TRPM3: variants seen among roughly 807,000 people sequenced by gnomAD.
TRPM3 encodes transient receptor potential cation channel subfamily M member 3.
TRPM3 carries 77 observed loss-of-function variants against 181.2 expected under a neutral mutation model. That is an observed-to-expected ratio of 0.42 (90% confidence interval 0.35 to 0.51). The LOEUF (loss-of-function observed/expected upper bound fraction) is 0.51, where lower values mean the gene tolerates loss of function less well. Among genes scored for constraint, TRPM3 ranks in the 20% least tolerant of loss-of-function variants. TRPM3 has a pLI of 0.01. For synonymous variants in TRPM3, 745 were observed against 796.4 expected (o/e 0.94, Z 1.09); for missense variants, 1,759 against 2,196.7 (o/e 0.80, Z 3.98).
At chr9:71,218,094 C>T (rs774710252) in intron 1 of TRPM3, among the ~76,000 whole-genome samples, 31 of 152,150 alleles carry the variant, frequency 2.0e-4, no homozygotes, top group Non-Finnish European at 3.2e-4. Flanking sequence ...TGATTAAAGG[C>T]AAACAAGAAA....
At chr9:71,163,936 C>G (rs748804778) in intron 1 of TRPM3, among the ~76,000 whole-genome samples, 1 of 152,122 alleles carries the variant, frequency 6.6e-6, no homozygotes. Flanking sequence ...CTGGATTTGG[C>G]CACATGGAAG....
rs34805476 is a variant in TRPM3 at position 71,220,356 on chromosome 9, TTTATTA to T, written c.183+226291_183+226296del. ...TACTCTTTAATTTTGAAAAGTCTGA[TTTATTA>T]TTATTATTATTATTATTATTATTAT... is the stretch of plus-strand genomic sequence containing the variant. On this transcript the variant is annotated intron_variant, in intron 1 of 24. Coordinates refer to the TRPM3 transcript ENST00000357533. 8.5e-3 allele frequency among the ~76,000 whole-genome samples: 1,235 copies of T among 145,852 alleles called. 18 individuals are homozygous for T. The highest frequency in any genetic ancestry group is 0.023 in the African/African-American group (936 of 40,142).
Position 70,683,286 on chromosome 9 carries a change from C to G in TRPM3, c.1273-1708G>C, listed in dbSNP as rs924841831. On this transcript the variant is annotated intron_variant, in intron 8 of 25. Transcript: ENST00000677713. ...TCAGGCTGGAGTACAGTGGTATGAT[C>G]ATAGCTCACTGCAGCCTCAATCTCC... 2.0e-5 allele frequency among the ~76,000 whole-genome samples: 3 copies of G among 152,042 alleles called. No individual in the cohort carries two copies. In the South Asian group the frequency reaches 6.2e-4, roughly 32 times the overall value.
At chr9:70,987,727 T>C (rs1207053678) in intron 1 of TRPM3, among the ~76,000 whole-genome samples, 2 of 152,130 alleles carry the variant, frequency 1.3e-5, no homozygotes, top group East Asian at 3.9e-4. Flanking sequence ...CATTAAGTAG[T>C]ACTGCTGCAC....
intron 1 of TRPM3, among the ~76,000 whole-genome samples, chr9:71,287,865 A>C (rs1223814355): frequency 1.3e-5 from 2 of 152,116 alleles, no homozygotes; most frequent in Admixed American, 1.3e-4. Flanking sequence ...TGGATTTTGG[A>C]AGCAGCTACT....
At chr9:71,118,823 G>C (rs2073009337) in intron 1 of TRPM3, among the ~76,000 whole-genome samples, 1 of 151,950 alleles carries the variant, frequency 6.6e-6, no homozygotes, top group African/African-American at 2.4e-5. Flanking sequence ...GGGGAGGAAG[G>C]GAGGGAGGAG....
At chr9:70,886,520 C>G (rs1259534306) in intron 1 of TRPM3, among the ~76,000 whole-genome samples, 5 of 152,164 alleles carry the variant, frequency 3.3e-5, no homozygotes, top group African/African-American at 1.2e-4. Flanking sequence ...ACTTCTACCA[C>G]CTTTGCTGCC....
At chr9:70,877,504 C>T (rs2095888984) in intron 1 of TRPM3, among the ~76,000 whole-genome samples, 1 of 151,882 alleles carries the variant, frequency 6.6e-6, no homozygotes, top group African/African-American at 2.4e-5. Flanking sequence ...TACCTCCCTC[C>T]AGGGAACTGA....
chr9:71,292,068 T>C (rs1347011502), intron 1 of TRPM3, among the ~76,000 whole-genome samples: 3 of 151,824 alleles, frequency 2.0e-5, no homozygotes. Context: ...AGGAAGAAGA[T>C]AGAAACAACA....
chr9:71,086,251 T>C (rs1441975978), intron 1 of TRPM3, among the ~76,000 whole-genome samples: 2 of 151,922 alleles, frequency 1.3e-5, no homozygotes, highest in Non-Finnish European at 2.9e-5. Flanking sequence ...TTGGGTCCTA[T>C]GCTTAGTAGC....
chr9:71,418,720 G>T (rs919875517), intron 1 of TRPM3, among the ~76,000 whole-genome samples: 1 of 148,192 alleles, frequency 6.7e-6, no homozygotes, highest in Non-Finnish European at 1.5e-5. Context: ...TTCCTAAAAG[G>T]CTCAAAGGAT....
At chr9:70,692,692 T>C (rs912921388) in intron 8 of TRPM3, among the ~76,000 whole-genome samples, 13 of 152,192 alleles carry the variant, frequency 8.5e-5, no homozygotes, top group African/African-American at 2.9e-4. Flanking sequence ...GAGTTTAAGC[T>C]CTCGCTTCTT....
chr9:71,320,096 G>A (rs539240247), intron 1 of TRPM3, among the ~76,000 whole-genome samples: 119 of 152,020 alleles, frequency 7.8e-4, no homozygotes, highest in Non-Finnish European at 1.3e-3. Flanking sequence ...AGTTTCTTCT[G>A]GACCACAGCC....
chr9:70,831,914 C>G (rs1421367088), intron 5 of TRPM3, among the ~76,000 whole-genome samples: 3 of 133,770 alleles, frequency 2.2e-5, no homozygotes, highest in African/African-American at 8.4e-5. Flanking sequence ...CCAGGTTGTG[C>G]TTATTTCATA....
At chr9:70,606,513 C>T (rs2061152561) in intron 19 of TRPM3, among the ~76,000 whole-genome samples, 1 of 152,058 alleles carries the variant, frequency 6.6e-6, no homozygotes, top group South Asian at 2.1e-4. Flanking sequence ...AAAATAGGGT[C>T]TTATGTTTAG....
At chr9:71,142,323 T>G (rs2075153257) in intron 1 of TRPM3, among the ~76,000 whole-genome samples, 1 of 152,114 alleles carries the variant, frequency 6.6e-6, no homozygotes, top group African/African-American at 2.4e-5. Flanking sequence ...TGAGTTACCT[T>G]CAAAACAAAC....
At chr9:70,959,695 C>T (rs1213783483) in intron 1 of TRPM3, among the ~76,000 whole-genome samples, 1 of 152,166 alleles carries the variant, frequency 6.6e-6, no homozygotes, top group South Asian at 2.1e-4. Flanking sequence ...CGCTACTGAA[C>T]ATCAAAACTC....
In TRPM3 at chr9:71,414,647, T is replaced by C. The variant is rs565212747; in HGVS notation, c.183+32006A>G. ...GGGAAATTCTCAGGTACATGACATA[T>C]GGTATAAAATACACATAGATCTTGT... On this transcript the variant is annotated intron_variant, in intron 1 of 24. Coordinates refer to the TRPM3 transcript ENST00000357533. 2.0e-5 allele frequency among the ~76,000 whole-genome samples: 3 copies of C among 152,170 alleles called. No individual in the cohort carries two copies. The East Asian group carries it at 5.8e-4, about 29-fold the overall frequency.
At chr9:71,402,078 T>C (rs974516060) in intron 1 of TRPM3, among the ~76,000 whole-genome samples, 4 of 152,152 alleles carry the variant, frequency 2.6e-5, no homozygotes, top group African/African-American at 9.7e-5. Flanking sequence ...AAGAAAAAAA[T>C]GAACATTCAA....
Sources: gnomAD v4.1 joint callset for allele counts (sites outside exome capture counted in the v4.1 genomes callset) on GRCh38, gnomAD v4.1.1 for gene constraint, MANE v1.5 for transcripts, NCBI Gene and HGNC (gene_info 2026-07-23, HGNC 2026-07-21) for gene names.